INSL6: variants seen among roughly 807,000 people sequenced by gnomAD.
INSL6 encodes insulin like 6, also known as insulin-like peptide INSL6.
INSL6 carries 16 observed loss-of-function variants against 9.4 expected under a neutral mutation model. The ratio of observed to expected loss-of-function variants is 1.70; its 90% CI spans 1.15 to 2.59. The LOEUF is 2.59. INSL6 is among the 30% of genes most tolerant of loss of function. The pLI, the probability that INSL6 is intolerant of heterozygous loss-of-function variation, is 0.00. For missense variants in INSL6, 391 were observed against 257.3 expected, an observed-to-expected ratio of 1.52 and a Z score of -3.56; for synonymous variants, 154 against 96.9, an observed-to-expected ratio of 1.59 and a Z score of -3.46.
At chr9:5,129,724 A>C (rs1467504351) in intron 3 of INSL6, among the ~76,000 whole-genome samples, 1 of 152,140 alleles carries the variant, frequency 6.6e-6, no homozygotes, top group Non-Finnish European at 1.5e-5. Flanking sequence ...ACTAGCTGCT[A>C]AGCGTTTCAT....
the INSL6 span, among the ~76,000 whole-genome samples, chr9:5,032,870 C>T: frequency 6.6e-6 from 1 of 152,192 alleles, no homozygotes; most frequent in Non-Finnish European, 1.5e-5. Context: ...CAGCTCCTTA[C>T]CAGCAACGGA....
At chr9:5,085,702 G>T in the INSL6 span, 1 of 748,322 alleles carries the variant, frequency 1.3e-6, no homozygotes, top group South Asian at 1.4e-5. Flanking sequence ...TCGTGAACAA[G>T]ACTAGCAGTG....
the INSL6 span, among the ~76,000 whole-genome samples, chr9:4,992,288 G>A: frequency 0.016 from 2,411 of 152,244 alleles, 56 homozygotes; most frequent in African/African-American, 0.054. Context: ...TCATAGTGGT[G>A]AGTAGAGAAT....
chr9:5,143,377 T>C (rs1824540014), intron 2 of INSL6, among the ~76,000 whole-genome samples: 1 of 152,062 alleles, frequency 6.6e-6, no homozygotes, highest in Non-Finnish European at 1.5e-5. Flanking sequence ...TTGTTAGTGG[T>C]CTATTCAGGG....
intron 2 of INSL6, among the ~76,000 whole-genome samples, chr9:5,138,069 AAGTC>A (rs1193044376): frequency 6.6e-6 from 1 of 152,226 alleles, no homozygotes; most frequent in Non-Finnish European, 1.5e-5. Flanking sequence ...GATCATTAAA[AAGTC>A]AGGAAACAAC....
chr9:5,181,984 T>C (rs1825465754), intron 1 of INSL6, among the ~76,000 whole-genome samples: 1 of 152,178 alleles, frequency 6.6e-6, no homozygotes, highest in African/African-American at 2.4e-5. Context: ...TACATTGGTG[T>C]AGTCACTCTG....
the INSL6 span, among the ~76,000 whole-genome samples, chr9:5,082,050 C>T: frequency 6.6e-6 from 1 of 152,162 alleles, no homozygotes; most frequent in Non-Finnish European, 1.5e-5. Flanking sequence ...GGGGGCCAGC[C>T]CCTCCACACC....
At chr9:5,101,055 G>A in the INSL6 span, 1 of 152,202 alleles carries the variant, frequency 6.6e-6, no homozygotes, top group Admixed American at 6.6e-5. Flanking sequence ...GCCCACAGAG[G>A]GCAAGTTGAA....
chr9:5,047,707 A>G, the INSL6 span, among the ~76,000 whole-genome samples: 2 of 152,130 alleles, frequency 1.3e-5, no homozygotes, highest in Non-Finnish European at 2.9e-5. Flanking sequence ...GTCTTGCTTC[A>G]GCCTGTCAGC....
the INSL6 span, among the ~76,000 whole-genome samples, chr9:5,024,952 G>A: frequency 6.6e-6 from 1 of 152,178 alleles, no homozygotes; most frequent in Non-Finnish European, 1.5e-5. Context: ...TTAACTAGGG[G>A]GAGTGGAGCC....
chr9:5,078,251 A>T, the INSL6 span: 1 of 1,442,936 alleles, frequency 6.9e-7, no homozygotes. Context: ...AACATACTAA[A>T]TGCTCCAGTA....
downstream of INSL6, among the ~76,000 whole-genome samples, chr9:5,122,127 T>C (rs1179974629): frequency 6.6e-6 from 1 of 152,066 alleles, no homozygotes; most frequent in Non-Finnish European, 1.5e-5. Context: ...TTGTGGAGAT[T>C]AGGAAACTTA....
chr9:4,994,072 A>G, the INSL6 span, among the ~76,000 whole-genome samples: 3 of 152,124 alleles, frequency 2.0e-5, no homozygotes, highest in African/African-American at 7.2e-5. Context: ...TGGGTTAATA[A>G]TTATCCTACT....
chr9:5,069,935 C>T, the INSL6 span: 1 of 1,595,128 alleles, frequency 6.3e-7, no homozygotes, highest in Non-Finnish European at 8.6e-7. Flanking sequence ...ATAAATCAAA[C>T]CTTCTAGTCT....
At chr9:5,036,964 C>G in the INSL6 span, among the ~76,000 whole-genome samples, 46 of 152,322 alleles carry the variant, frequency 3.0e-4, no homozygotes, top group Non-Finnish European at 1.3e-4. Context: ...ATCTACTCAT[C>G]TGATAAAGGG....
downstream of INSL6, among the ~76,000 whole-genome samples, chr9:5,162,009 G>T: frequency 6.6e-6 from 1 of 151,996 alleles, no homozygotes; most frequent in Non-Finnish European, 1.5e-5. Context: ...AGCCCAGGAG[G>T]TTGAGGGTGT....
chr9:5,178,025 G>C (rs1436939696), intron 1 of INSL6, among the ~76,000 whole-genome samples: 1 of 152,130 alleles, frequency 6.6e-6, no homozygotes, highest in Non-Finnish European at 1.5e-5. Context: ...ACAGGCACAT[G>C]CCACCATGCC....
the INSL6 span, among the ~76,000 whole-genome samples, chr9:5,058,293 C>T: frequency 1.1e-3 from 170 of 152,256 alleles, no homozygotes; most frequent in African/African-American, 3.8e-3. Flanking sequence ...ACTCGCAGTT[C>T]GGCATGGCTG....
chr9:5,027,606 A>G, the INSL6 span, among the ~76,000 whole-genome samples: 1 of 152,200 alleles, frequency 6.6e-6, no homozygotes, highest in Non-Finnish European at 1.5e-5. Context: ...TGTAGTATGC[A>G]ATGCTATTTG....
Sources: allele counts gnomAD v4.1 joint callset (sites outside exome capture counted in the v4.1 genomes callset), GRCh38; gene constraint gnomAD v4.1.1; transcripts MANE v1.5; gene names NCBI Gene and HGNC (gene_info 2026-07-23, HGNC 2026-07-21).